Variants in PGM1 observed in about 807,000 individuals in gnomAD.
The protein encoded by PGM1 is phosphoglucomutase-1.
PGM1 carries 52 observed loss-of-function variants against 55.6 expected under a neutral mutation model. The observed-to-expected ratio is 0.94, with a 90% CI of 0.75 to 1.18. PGM1 has a LOEUF of 1.18. Ranked by LOEUF, PGM1 falls within the 50% of genes most tolerant of loss-of-function variation. The pLI, the probability that PGM1 is intolerant of heterozygous loss-of-function variation, is 0.00. For missense variants in PGM1, 724 were observed against 729.3 expected (o/e 0.99, Z 0.08); for synonymous variants, 287 against 271.7 (o/e 1.06, Z -0.55).
At chr1:63,632,189 C>T (rs1649214665) in intron 4 of PGM1, among the ~76,000 whole-genome samples, 1 of 152,038 alleles carries the variant, frequency 6.6e-6, no homozygotes, top group Non-Finnish European at 1.5e-5. Context: ...CCCAAATGCT[C>T]GTTTTCTTAG....
intron 7 of PGM1, among the ~76,000 whole-genome samples, chr1:63,640,496 T>C (rs2301056): frequency 0.44 from 67,134 of 152,022 alleles, 16,643 homozygotes; most frequent in African/African-American, 0.69. Context: ...TTTACCACTA[T>C]ATATAATAAT....
chr1:63,629,816 G>A (rs1649144730), intron 2 of PGM1, 126 bp from the exon 3 acceptor site: 1 of 1,190,936 alleles, frequency 8.4e-7, no homozygotes, highest in Non-Finnish European at 1.2e-6. Flanking sequence ...GAAAAATCCT[G>A]CTACTTTGCT....
At chr1:63,618,565 T>C (rs886651476) in intron 1 of PGM1, among the ~76,000 whole-genome samples, 1 of 152,230 alleles carries the variant, frequency 6.6e-6, no homozygotes, top group Non-Finnish European at 1.5e-5. Context: ...ACTATGTTCA[T>C]TTTATTATTT....
Position 63,631,738 on chromosome 1 carries a change from C to T in PGM1, c.638C>T (p.Ser213Phe). 6.2e-7 allele frequency: 1 copy of T among 1,613,588 alleles called. No homozygotes were observed. Among genetic ancestry groups the T allele is most frequent in the Non-Finnish European group, 8.5e-7 (1 of 1,179,558 alleles). Residue 213 changes from serine to phenylalanine, a missense_variant, in exon 4 of 11, where the codon TCT becomes TTT. Transcript: ENST00000371084. ...FDFSALKELL[S>F]GPNRLKIRID... Reference sequence around the variant, plus strand: ...TTCAGTGCACTGAAAGAACTACTTTCTGGGCCAAACCGACTGAAGATCCGT... The same window carrying T: ...TTCAGTGCACTGAAAGAACTACTTTTTGGGCCAAACCGACTGAAGATCCGT...
rs779821906 is a variant in PGM1 at position 63,623,782 on chromosome 1, T to C, written c.247-5643T>C. 127 of 1,553,486 alleles carry C rather than the reference T, an allele frequency of 8.2e-5. 1 individual carries two copies. The East Asian group carries it at 2.7e-3, about 33-fold the overall frequency. On this transcript the variant is annotated intron_variant, in intron 1 of 10. Transcript: ENST00000371084. ...TGGGGTGGGTATATGATAAGTATTG[T>C]TATGTTTCTGGCTCTCCAAATAACC...
At chr1:63,618,591 T>C (rs762947940) in intron 1 of PGM1, among the ~76,000 whole-genome samples, 35 of 152,224 alleles carry the variant, frequency 2.3e-4, no homozygotes, top group Admixed American at 6.5e-5. Context: ...CTATGTGATA[T>C]ATTTCATCAT....
chr1:63,597,609 T>A (rs1329800930), intron 1 of PGM1, among the ~76,000 whole-genome samples: 2 of 152,166 alleles, frequency 1.3e-5, no homozygotes, highest in Admixed American at 6.5e-5. Context: ...ACAAAAACCT[T>A]ACTTGGATTA....
intron 9 of PGM1, among the ~76,000 whole-genome samples, chr1:63,652,699 A>G (rs1046938422): frequency 6.6e-6 from 1 of 152,166 alleles, no homozygotes; most frequent in African/African-American, 2.4e-5. Context: ...GTCCTTGTCA[A>G]GGCATCTCAT....
In PGM1 at chr1:63,659,940, C is replaced by T. The variant is rs1207481622; in HGVS notation, c.*265C>T. The stretch of plus-strand genomic sequence containing the variant: ...TTGCTGCTGCGTGGGTATTTGTCTC[C>T]TTAGCCATCAGGTACAGTTTACACT... On this transcript the variant is annotated 3_prime_UTR_variant, in exon 11 of 11. Transcript: ENST00000371084. 7 of 571,810 alleles carry T rather than the reference C, an allele frequency of 1.2e-5. No homozygotes were observed. The highest frequency in any genetic ancestry group is 1.9e-5 in the Non-Finnish European group (6 of 316,030). The allele number at this position is 571,810 out of a possible 1,614,324, so 35.4% of individuals were successfully genotyped here. A position where few individuals can be genotyped will look rare whatever the true frequency, so the allele number is the denominator to read the frequency against.
rs1278587370 is a variant in PGM1 at position 63,594,963 on chromosome 1, A to AAAAAG, written c.246+1233_246+1234insGAAAA. On this transcript the variant is annotated intron_variant, in intron 1 of 10. Transcript: ENST00000371084. ...GCGACAGAGCGAGACTCCGTCTCAA[A>AAAAAG]AAAAAAAAAAAAGAAAAAAAAAGTG... Among the ~76,000 whole-genome samples, 9 of 147,810 alleles carry AAAAAG rather than the reference A, an allele frequency of 6.1e-5. No homozygotes were observed. The East Asian group carries it at 1.6e-3, about 26-fold the overall frequency.
At chr1:63,613,595 G>A (rs1648626144) in intron 1 of PGM1, among the ~76,000 whole-genome samples, 1 of 151,716 alleles carries the variant, frequency 6.6e-6, no homozygotes, top group Non-Finnish European at 1.5e-5. Flanking sequence ...TTGAATTTAG[G>A]GCCACCCTAA....
At chr1:63,626,179 A>C (rs1158266098) in intron 1 of PGM1, among the ~76,000 whole-genome samples, 1 of 152,126 alleles carries the variant, frequency 6.6e-6, no homozygotes, top group Non-Finnish European at 1.5e-5. Context: ...TGAGGGGGTT[A>C]TCTCTAACTT....
chr1:63,605,758 GA>G (rs1349482271), intron 1 of PGM1, among the ~76,000 whole-genome samples: 11 of 152,018 alleles, frequency 7.2e-5, no homozygotes, highest in African/African-American at 2.7e-4. Context: ...TTTTTGTAAA[GA>G]TGAGGTTTTG....
intron 8 of PGM1, among the ~76,000 whole-genome samples, chr1:63,649,117 A>C (rs571695051): frequency 6.6e-6 from 1 of 152,350 alleles, no homozygotes; most frequent in East Asian, 1.9e-4. Context: ...TGGGGCACTG[A>C]AAGCCTAGAA....
intron 4 of PGM1, among the ~76,000 whole-genome samples, chr1:63,632,350 G>T: frequency 6.6e-6 from 1 of 152,130 alleles, no homozygotes; most frequent in Non-Finnish European, 1.5e-5. Flanking sequence ...AGACATGTAG[G>T]TATATGAGAA....
intron 1 of PGM1, among the ~76,000 whole-genome samples, chr1:63,604,959 G>GTGTGTT (rs58900430): frequency 0.026 from 3,446 of 134,254 alleles, 74 homozygotes; most frequent in East Asian, 0.047. Context: ...GTGTGTGTGT[G>GTGTGTT]TAAAGAGAGG....
chr1:63,644,555 CATAA>C, intron 7 of PGM1, among the ~76,000 whole-genome samples: 1 of 152,134 alleles, frequency 6.6e-6, no homozygotes, highest in South Asian at 2.1e-4. Flanking sequence ...TTTTTAAAAG[CATAA>C]TAAAGTCAGT....
intron 7 of PGM1, among the ~76,000 whole-genome samples, chr1:63,641,738 G>T (rs1356967732): frequency 6.6e-6 from 1 of 152,056 alleles, no homozygotes; most frequent in African/African-American, 2.4e-5. Flanking sequence ...ATGGTTATTT[G>T]ATTAATGTCT....
chr1:63,602,154 G>A (rs1214089895), intron 1 of PGM1, among the ~76,000 whole-genome samples: 1 of 152,172 alleles, frequency 6.6e-6, no homozygotes, highest in East Asian at 1.9e-4. Flanking sequence ...AGAGCAAGTA[G>A]TTCTGGGGAT....
Sources: gnomAD v4.1 joint callset for allele counts (sites outside exome capture counted in the v4.1 genomes callset) on GRCh38, gnomAD v4.1.1 for gene constraint, MANE v1.5 for transcripts, NCBI Gene and HGNC (gene_info 2026-07-23, HGNC 2026-07-21) for gene names.